ARHGAP24: variants seen among roughly 807,000 people sequenced by gnomAD.
The protein encoded by ARHGAP24 is Rho GTPase activating protein 24.
ARHGAP24 carries 50 observed loss-of-function variants against 76.4 expected under a neutral mutation model. The observed-to-expected ratio is 0.65, with a 90% CI of 0.52 to 0.83. The LOEUF (loss-of-function observed/expected upper bound fraction) is 0.83. Among genes scored for constraint, ARHGAP24 ranks in the 40% least tolerant of loss-of-function variants. ARHGAP24 has a pLI of 0.00. For missense variants in ARHGAP24, 930 were observed against 914.2 expected, an observed-to-expected ratio of 1.02 and a Z score of -0.22; for synonymous variants, 345 against 323.3, an observed-to-expected ratio of 1.07 and a Z score of -0.72.
rs1200198384 is a variant in ARHGAP24, at chr4:85,583,790, T to C, written c.180+13069T>C. 1.4e-3 allele frequency among the ~76,000 whole-genome samples: 200 copies of C among 147,030 alleles called. 2 individuals carry two copies. The highest frequency in any genetic ancestry group is 3.3e-3 in the African/African-American group (133 of 40,036). ...TCAAAAAGTGGGCAAAGGACATGAA[T>C]AGACACTTCTCAAAAGAAGACATTT... On this transcript the variant is annotated intron_variant, in intron 2 of 9. Transcript: ENST00000395184.
chr4:85,721,011 G>A (rs908263254), intron 2 of ARHGAP24, among the ~76,000 whole-genome samples: 4 of 151,990 alleles, frequency 2.6e-5, no homozygotes, highest in Non-Finnish European at 5.9e-5. Context: ...ATAGAATAGC[G>A]GGAAGTCAAA....
At chr4:85,513,930 A>G (rs1258474783) in intron 1 of ARHGAP24, among the ~76,000 whole-genome samples, 3 of 152,152 alleles carry the variant, frequency 2.0e-5, no homozygotes, top group Non-Finnish European at 4.4e-5. Context: ...GACGACTGTC[A>G]TGACAGGGGT....
Position 85,700,769 on chromosome 4 carries a change from A to C in ARHGAP24, c.181-21116A>C, listed in dbSNP as rs148695688. Among the ~76,000 whole-genome samples the C allele has an allele frequency of 2.5e-3, 379 of 152,340 alleles. 1 individual carries two copies. Among genetic ancestry groups the C allele is most frequent in the Non-Finnish European group, 4.6e-3 (313 of 68,024 alleles). On this transcript the variant is annotated intron_variant, in intron 2 of 9. Coordinates refer to ENST00000395184, the MANE Select transcript of ARHGAP24 (RefSeq NM_001025616.3). ...CTAAAAAGACTCTTTTATTATGAAG[A>C]GTTTGATGTAAAGTAGACATGGTGA...
intron 3 of ARHGAP24, among the ~76,000 whole-genome samples, chr4:85,775,639 C>T (rs999015540): frequency 2.6e-5 from 4 of 152,034 alleles, no homozygotes; most frequent in Non-Finnish European, 5.9e-5. Flanking sequence ...TATGGAGCTA[C>T]AATTCAAGAT....
intron 4 of ARHGAP24, among the ~76,000 whole-genome samples, chr4:85,933,774 C>T (rs1736482063): frequency 6.6e-6 from 1 of 152,254 alleles, no homozygotes; most frequent in African/African-American, 2.4e-5. Context: ...TGGGTCTAGT[C>T]GTAAGAGGCT....
chr4:85,956,222 C>G (rs1737891560), intron 5 of ARHGAP24, among the ~76,000 whole-genome samples: 1 of 152,138 alleles, frequency 6.6e-6, no homozygotes, highest in South Asian at 2.1e-4. Context: ...TTTCAGCACA[C>G]TAAATGATTT....
At chr4:85,950,043 T>C (rs1432391848) in intron 5 of ARHGAP24, among the ~76,000 whole-genome samples, 1 of 152,146 alleles carries the variant, frequency 6.6e-6, no homozygotes, top group African/African-American at 2.4e-5. Flanking sequence ...CCCGTCTCCT[T>C]CTTGAGGACG....
intron 3 of ARHGAP24, among the ~76,000 whole-genome samples, chr4:85,812,898 C>A (rs1729073204): frequency 6.6e-6 from 1 of 152,182 alleles, no homozygotes. Context: ...CTCAATTACA[C>A]CGTGACCCCA....
intron 1 of ARHGAP24, among the ~76,000 whole-genome samples, chr4:85,495,723 A>G (rs964712786): frequency 1.3e-5 from 2 of 152,084 alleles, no homozygotes; most frequent in African/African-American, 4.8e-5. Flanking sequence ...TAGTGTGTCT[A>G]TTTTTAACAG....
At position 85,937,831 on chromosome 4, in the gene ARHGAP24, G is replaced by A. The variant is rs573613322; in HGVS notation, c.392-4235G>A. Among the ~76,000 whole-genome samples the A allele has an allele frequency of 1.1e-3, 169 of 152,308 alleles. 1 individual carries two copies. The highest frequency in any genetic ancestry group is 1.8e-3 in the Admixed American group (28 of 15,304). On this transcript the variant is annotated intron_variant, in intron 4 of 9. Coordinates refer to ENST00000395184, the MANE Select transcript of ARHGAP24 (RefSeq NM_001025616.3). ...GTCAAATATCAAATTGCAAAAGTTA[G>A]CAAGTGGATGGAAAATGATGAAAAG...
intron 2 of ARHGAP24, among the ~76,000 whole-genome samples, chr4:85,594,212 A>G (rs1203631786): frequency 6.6e-6 from 1 of 151,944 alleles, no homozygotes; most frequent in East Asian, 1.9e-4. Flanking sequence ...ATTTATAACT[A>G]TTGTAAATAG....
intron 8 of ARHGAP24, among the ~76,000 whole-genome samples, chr4:85,986,494 C>T (rs1740006833): frequency 6.6e-6 from 1 of 152,030 alleles, no homozygotes; most frequent in African/African-American, 2.4e-5. Context: ...GTTATTGCCT[C>T]AGATTACTAC....
intron 2 of ARHGAP24, among the ~76,000 whole-genome samples, chr4:85,590,656 G>C (rs1047167331): frequency 9.2e-5 from 14 of 151,916 alleles, no homozygotes; most frequent in African/African-American, 3.4e-4. Flanking sequence ...CACCACACCT[G>C]ACCCTTTCCT....
intron 5 of ARHGAP24, among the ~76,000 whole-genome samples, chr4:85,955,581 C>T (rs1312544722): frequency 1.3e-5 from 2 of 152,098 alleles, no homozygotes; most frequent in East Asian, 3.8e-4. Context: ...CCAACCTCTG[C>T]CCCCATCTCC....
intron 3 of ARHGAP24, among the ~76,000 whole-genome samples, chr4:85,921,856 T>C (rs1735736760): frequency 6.6e-6 from 1 of 152,032 alleles, no homozygotes; most frequent in Admixed American, 6.6e-5. Flanking sequence ...CTCCTTATGA[T>C]AGTTGAACTA....
chr4:85,749,411 T>A (rs776499064), intron 3 of ARHGAP24, among the ~76,000 whole-genome samples: 5 of 152,172 alleles, frequency 3.3e-5, no homozygotes, highest in Admixed American at 6.5e-5. Context: ...GTCTGAAAAA[T>A]TATTACCAGT....
intron 2 of ARHGAP24, among the ~76,000 whole-genome samples, chr4:85,714,169 A>C (rs1724641735): frequency 6.6e-6 from 1 of 151,992 alleles, no homozygotes; most frequent in Non-Finnish European, 1.5e-5. Context: ...ATGCAGGAAA[A>C]CTCTATCTGA....
At chr4:85,880,626 T>C (rs765869287) in intron 3 of ARHGAP24, among the ~76,000 whole-genome samples, 1 of 152,112 alleles carries the variant, frequency 6.6e-6, no homozygotes, top group Non-Finnish European at 1.5e-5. Context: ...CCTCCCGGGT[T>C]CACGCCATTC....
chr4:85,708,588 A>G (rs1724405235), intron 2 of ARHGAP24, among the ~76,000 whole-genome samples: 1 of 152,166 alleles, frequency 6.6e-6, no homozygotes. Context: ...CCCTACTAAA[A>G]ATAACCCTGA....
Sources: allele counts gnomAD v4.1 joint callset (sites outside exome capture counted in the v4.1 genomes callset), GRCh38; gene constraint gnomAD v4.1.1; transcripts MANE v1.5; gene names NCBI Gene and HGNC (gene_info 2026-07-23, HGNC 2026-07-21).